TP63: variants seen among roughly 807,000 people sequenced by gnomAD.
The protein encoded by TP63 is tumor protein 63.
In TP63, 17 loss-of-function variants were observed where a neutral mutation model predicts 82.8. That is an observed-to-expected ratio of 0.21 (90% CI 0.14 to 0.31). The LOEUF (loss-of-function observed/expected upper bound fraction) is 0.31. TP63 is among the 10% of genes least tolerant of loss of function. The pLI is 1.00. For synonymous variants in TP63, 330 were observed against 321.7 expected (o/e 1.03, Z -0.28); for missense variants, 648 against 895.3 (o/e 0.72, Z 3.52).
chr3:189,821,413 C>T (rs1436215380), intron 4 of TP63, among the ~76,000 whole-genome samples: 4 of 152,172 alleles, frequency 2.6e-5, no homozygotes, highest in Non-Finnish European at 5.9e-5. Context: ...TCCTCCAGAG[C>T]CAGAGAGAAA....
chr3:189,637,929 ATGT>A (rs761048150), intron 1 of TP63, among the ~76,000 whole-genome samples: 5 of 152,108 alleles, frequency 3.3e-5, no homozygotes, highest in Non-Finnish European at 7.4e-5. Flanking sequence ...TGAAAGTGAC[ATGT>A]TGTAAAAAAA....
At chr3:189,770,697 A>C (rs1723275515) in intron 3 of TP63, among the ~76,000 whole-genome samples, 1 of 152,232 alleles carries the variant, frequency 6.6e-6, no homozygotes, top group African/African-American at 2.4e-5. Flanking sequence ...ATTTTAAAGA[A>C]CATTTTTCTC....
rs769974044 is a variant in TP63 at position 189,867,824 on chromosome 3, T to G, written c.883-9T>G. ...TTGTTAACACAGATTATTTACCCCT[T>G]GTTTTCAGGTTGGCACTGAATTCAC... On this transcript the variant is annotated splice_polypyrimidine_tract_variant and intron_variant, in intron 6 of 13. Coordinates refer to ENST00000264731, the MANE Select transcript of TP63 (RefSeq NM_003722.5). 3.1e-6 allele frequency: 5 copies of G among 1,612,804 alleles called. No homozygotes were observed. The highest frequency in any genetic ancestry group is 4.2e-6 in the Non-Finnish European group (5 of 1,178,974).
chr3:189,887,808 C>A (rs1231202709), intron 11 of TP63, among the ~76,000 whole-genome samples: 1 of 150,494 alleles, frequency 6.6e-6, no homozygotes, highest in African/African-American at 2.4e-5. Flanking sequence ...TCAGGGGAGG[C>A]TAGGATTATG....
In TP63 at chr3:189,896,607, T is replaced by TAAGA. The variant is rs1721493654; in HGVS notation, c.*2107_*2110dup. On this transcript the variant is annotated 3_prime_UTR_variant, in exon 14 of 14. Coordinates refer to ENST00000264731, the MANE Select transcript of TP63 (RefSeq NM_003722.5). ...AATGAAAGCTGTTCCTTGGTCCTAG[T>TAAGA]AAGAAGACAAACTGCTTCCCTTACT... is the stretch of plus-strand genomic sequence containing the variant. 1 of 210,560 alleles carries TAAGA rather than the reference T, an allele frequency of 4.7e-6. No individual in the cohort carries two copies. Among genetic ancestry groups the TAAGA allele is most frequent in the African/African-American group, 2.3e-5 (1 of 44,112 alleles). The allele number at this position is 210,560 out of a possible 1,614,324, so 13.0% of individuals were successfully genotyped here.
the TP63 span, among the ~76,000 whole-genome samples, chr3:189,603,881 AAGAAAAGAAG>A: frequency 1.3e-5 from 2 of 152,062 alleles, no homozygotes; most frequent in Non-Finnish European, 2.9e-5. Context: ...AACCAACAAA[AAGAAAAGAAG>A]AGAAAAGGTA....
chr3:189,804,997 T>A (rs1726733765), intron 3 of TP63, among the ~76,000 whole-genome samples: 3 of 152,248 alleles, frequency 2.0e-5, no homozygotes, highest in Non-Finnish European at 4.4e-5. Flanking sequence ...AATCTTGTTT[T>A]TCTTACGTAC....
At chr3:189,867,223 A>G (rs1042803969) in intron 6 of TP63, among the ~76,000 whole-genome samples, 1 of 152,208 alleles carries the variant, frequency 6.6e-6, no homozygotes, top group African/African-American at 2.4e-5. Context: ...AATCTGTTGC[A>G]TGAAGCAGAG....
intron 3 of TP63, among the ~76,000 whole-genome samples, chr3:189,791,393 C>T (rs542616796): frequency 6.6e-6 from 1 of 151,992 alleles, no homozygotes; most frequent in Non-Finnish European, 1.5e-5. Context: ...AAAGCAATTG[C>T]ATTAATGTTG....
chr3:189,694,059 G>T (rs1439055089), intron 1 of TP63, among the ~76,000 whole-genome samples: 1 of 152,198 alleles, frequency 6.6e-6, no homozygotes, highest in Non-Finnish European at 1.5e-5. Flanking sequence ...CTATAATAAA[G>T]TATGTTGGTG....
intron 4 of TP63, among the ~76,000 whole-genome samples, chr3:189,840,056 T>C (rs1713751448): frequency 6.6e-6 from 1 of 152,210 alleles, no homozygotes; most frequent in African/African-American, 2.4e-5. Flanking sequence ...ATAAAGAACT[T>C]AGCGAAGTGC....
At chr3:189,631,789 T>C (rs1365542135) in intron 1 of TP63, among the ~76,000 whole-genome samples, 1 of 152,154 alleles carries the variant, frequency 6.6e-6, no homozygotes, top group Non-Finnish European at 1.5e-5. Context: ...TGAAAAAATT[T>C]GAAGCGAATC....
intron 1 of TP63, among the ~76,000 whole-genome samples, chr3:189,679,883 T>G (rs1031003379): frequency 6.6e-6 from 1 of 152,202 alleles, no homozygotes; most frequent in Admixed American, 6.5e-5. Flanking sequence ...ATCTGTTCCC[T>G]ATTGTATGTT....
chr3:189,868,631 A>G lies in TP63; in HGVS notation c.1044A>G (p.Pro348=), dbSNP rs370101210. 1.1e-5 allele frequency: 18 copies of G among 1,614,040 alleles called. No homozygotes were observed. The African/African-American group carries it at 2.1e-4, about 19-fold the overall frequency. The change falls in exon 8 of 14, where the codon CCA becomes CCG. Residue 348 remains proline (P), a synonymous_variant. Transcript: ENST00000264731. ...RCFEARICAC[P]GRDRKADEDS... is the part of the protein sequence containing the mutation. The stretch of plus-strand genomic sequence containing the variant: ...TTGAGGCCCGGATCTGTGCTTGCCC[A>G]GGAAGAGACAGGAAGGCGGATGAAG...
chr3:189,758,877 G>T (rs1722371165), intron 3 of TP63, among the ~76,000 whole-genome samples: 1 of 152,156 alleles, frequency 6.6e-6, no homozygotes, highest in Non-Finnish European at 1.5e-5. Context: ...CTAAGATCAG[G>T]ATTTTGAACC....
Position 189,866,698 on chromosome 3 carries a change from T to C in TP63, c.783T>C (p.Pro261=), listed in dbSNP as rs775719080. 10 of 1,614,060 alleles carry C rather than the reference T, an allele frequency of 6.2e-6. No individual in the cohort carries two copies. Among genetic ancestry groups the C allele is most frequent in the Non-Finnish European group, 7.6e-6 (9 of 1,179,946 alleles). Residue 261 remains proline (P), a synonymous_variant, in exon 6 of 14, where the codon CCT becomes CCC. Coordinates refer to ENST00000264731, the MANE Select transcript of TP63 (RefSeq NM_003722.5). ...REFNEGQIAP[P]SHLIRVEGNS... The stretch of plus-strand genomic sequence containing the variant: ...GCTCTGCAGGACAGATTGCCCCTCC[T>C]AGTCATTTGATTCGAGTAGAGGGGA...
the TP63 span, among the ~76,000 whole-genome samples, chr3:189,596,751 C>T: frequency 6.6e-6 from 1 of 152,176 alleles, no homozygotes; most frequent in East Asian, 1.9e-4. Context: ...GCAGTGGCAA[C>T]CCGCTGGGGT....
At chr3:189,697,944 A>G (rs1717515398) in intron 1 of TP63, among the ~76,000 whole-genome samples, 1 of 151,878 alleles carries the variant, frequency 6.6e-6, no homozygotes, top group South Asian at 2.1e-4. Flanking sequence ...AGACCCATGG[A>G]TTTTCTATAT....
intron 3 of TP63, chr3:189,789,713 C>T: frequency 1.5e-6 from 2 of 1,350,250 alleles, no homozygotes; most frequent in Admixed American, 3.0e-5. Context: ...TAAGTAGATT[C>T]ATATTGTAAG....
Sources: allele counts gnomAD v4.1 joint callset (sites outside exome capture counted in the v4.1 genomes callset), GRCh38; gene constraint gnomAD v4.1.1; transcripts MANE v1.5; gene names NCBI Gene and HGNC (gene_info 2026-07-23, HGNC 2026-07-21).